Variants in FAM53B observed in about 807,000 individuals in gnomAD.
FAM53B encodes protein FAM53B.
A neutral mutation model predicts 32.7 loss-of-function variants in FAM53B; 12 were observed. The observed-to-expected ratio is 0.37, with a 90% CI of 0.24 to 0.59. The LOEUF (loss-of-function observed/expected upper bound fraction) is 0.59. FAM53B is among the 20% of genes least tolerant of loss of function. The pLI, the probability that FAM53B is intolerant of heterozygous loss-of-function variation, is 0.72. For missense variants in FAM53B, 477 were observed against 577.7 expected (o/e 0.83, Z 1.79); for synonymous variants, 234 against 228.7 (o/e 1.02, Z -0.21).
chr10:124,706,856 C>T lies in FAM53B; in HGVS notation c.-143G>A, dbSNP rs1949962740. 2 of 1,488,536 alleles carry T rather than the reference C, an allele frequency of 1.3e-6. No individual in the cohort carries two copies. Among genetic ancestry groups the T allele is most frequent in the African/African-American group, 1.4e-5 (1 of 71,230 alleles). 92.2% of individuals were successfully genotyped at this position (1,488,536 alleles called of 1,614,324 possible). On this transcript the variant is annotated 5_prime_UTR_variant, in exon 2 of 5. Coordinates refer to ENST00000337318, the MANE Select transcript of FAM53B (RefSeq NM_014661.4). The stretch of plus-strand genomic sequence containing the variant: ...GGCCACTCACCCTTGGGGTGGGGCC[C>T]TTCTGGGAAATGGCCAAATGTGGTC...
intron 1 of FAM53B, among the ~76,000 whole-genome samples, chr10:124,732,303 G>C (rs1950148611): frequency 6.6e-6 from 1 of 152,172 alleles, no homozygotes; most frequent in South Asian, 2.1e-4. Flanking sequence ...TTCTACCCTG[G>C]TTCCCCCAGG....
rs554495274 is a variant in FAM53B, at chr10:124,670,132, CT to C, written c.906+11474del. Among the ~76,000 whole-genome samples the C allele has an allele frequency of 9.9e-5, 15 of 152,278 alleles. No homozygotes were observed. The South Asian group carries it at 2.5e-3, about 25-fold the overall frequency. ...GTGAGCCTCAGGCCACTCGCTGCCA[CT>C]GTCCAGCAACAGAGGGCGGGCGGTG... On this transcript the variant is annotated intron_variant, in intron 4 of 4. Coordinates refer to ENST00000337318, the MANE Select transcript of FAM53B (RefSeq NM_014661.4).
At chr10:124,718,981 G>A (rs1023307873) in intron 1 of FAM53B, among the ~76,000 whole-genome samples, 12 of 151,864 alleles carry the variant, frequency 7.9e-5, no homozygotes, top group African/African-American at 1.7e-4. Context: ...AGGCTGCAGT[G>A]AGCTATGATA....
rs1034984319 is a variant in FAM53B at position 124,733,957 on chromosome 10, G to A, written c.-175+10056C>T. 1.3e-5 allele frequency among the ~76,000 whole-genome samples: 2 copies of A among 152,146 alleles called. No individual in the cohort carries two copies. The highest frequency in any genetic ancestry group is 2.9e-5 in the Non-Finnish European group (2 of 68,018). On this transcript the variant is annotated intron_variant, in intron 1 of 4. Coordinates refer to ENST00000337318, the MANE Select transcript of FAM53B (RefSeq NM_014661.4). This position sits in a 1 kb window ranked among gnomAD's most constrained non-coding sequence, Gnocchi z 4.3. ...CACAGTCCCATGGTGCTGTGACTGG[G>A]GACACCTGCTCTCCTGGTCTCGAAT...
intron 1 of FAM53B, among the ~76,000 whole-genome samples, chr10:124,734,235 G>A (rs192707437): frequency 3.3e-5 from 5 of 152,308 alleles, no homozygotes; most frequent in Middle Eastern, 3.4e-3. Context: ...TCCATAATAC[G>A]AGCTATGAGC....
intron 4 of FAM53B, among the ~76,000 whole-genome samples, chr10:124,643,919 T>C (rs1949493919): frequency 1.3e-5 from 2 of 152,162 alleles, no homozygotes; most frequent in South Asian, 4.1e-4. Context: ...CATCTGTACA[T>C]GGCATCTGCC....
At chr10:124,740,370 G>C (rs191963075) in intron 1 of FAM53B, among the ~76,000 whole-genome samples, 1 of 152,306 alleles carries the variant, frequency 6.6e-6, no homozygotes, top group East Asian at 1.9e-4. Flanking sequence ...ACTGTAAGAA[G>C]AACCCTAGGG....
intron 4 of FAM53B, among the ~76,000 whole-genome samples, chr10:124,635,092 A>T (rs75240992): frequency 1.8e-5 from 1 of 55,698 alleles, no homozygotes; most frequent in East Asian, 5.2e-4. Flanking sequence ...TTTATTTTTT[A>T]TTTTTATTTT....
At chr10:124,634,484 C>T (rs996247507) in intron 4 of FAM53B, among the ~76,000 whole-genome samples, 3 of 152,196 alleles carry the variant, frequency 2.0e-5, no homozygotes, top group Non-Finnish European at 4.4e-5. Flanking sequence ...TACCTTCATG[C>T]TACTCTTGTG....
At chr10:124,686,579 C>A (rs1220911313) in intron 3 of FAM53B, among the ~76,000 whole-genome samples, 1 of 152,226 alleles carries the variant, frequency 6.6e-6, no homozygotes, top group East Asian at 1.9e-4. Flanking sequence ...TCTCCTAGCT[C>A]TGTGATCGTA....
At position 124,623,422 on chromosome 10, in the gene FAM53B, G is replaced by C. The variant is rs778204357; in HGVS notation, c.1089C>G (p.Phe363Leu). The change falls in exon 5 of 5, where the codon TTC (phenylalanine) becomes TTG (leucine). Residue 363 changes from phenylalanine to leucine, a missense_variant. Phe to Leu is a conservative substitution (Grantham distance 22). Around this residue, in one of 2 missense-constraint regions of FAM53B, gnomAD observed 165 missense variants for 157.5 expected, o/e 1.05. Transcript: ENST00000337318. ...CCTCCTGGCAGGCGAGGTGGTCGTC[G>C]AAGGAAGGGGGAAGAGGCTCAGGGA... is the stretch of plus-strand genomic sequence containing the variant. ...TPVPEPLPPS[F>L]DDHLACQEDL... 1.2e-6 allele frequency: 2 copies of C among 1,606,098 alleles called. No homozygotes were observed. Among genetic ancestry groups the C allele is most frequent in the Admixed American group, 1.7e-5 (1 of 58,834 alleles).
intron 4 of FAM53B, among the ~76,000 whole-genome samples, chr10:124,669,860 G>A (rs1337690953): frequency 6.6e-6 from 1 of 151,402 alleles, no homozygotes; most frequent in African/African-American, 2.4e-5. Context: ...CCCCTCACAG[G>A]GTGGGTGAGG....
At chr10:124,695,561 T>C (rs1949863089) in intron 3 of FAM53B, among the ~76,000 whole-genome samples, 1 of 152,180 alleles carries the variant, frequency 6.6e-6, no homozygotes, top group African/African-American at 2.4e-5. Flanking sequence ...CTAGCCACTG[T>C]TCATCACAAC....
chr10:124,722,020 C>T (rs1241615134), intron 1 of FAM53B, among the ~76,000 whole-genome samples: 1 of 152,088 alleles, frequency 6.6e-6, no homozygotes, highest in Admixed American at 6.5e-5. Flanking sequence ...ACAGAGGAGA[C>T]TAGAGGCTGG....
rs79263188 is a variant in FAM53B at position 124,625,177 on chromosome 10, G to A, written c.907-1573C>T. Among the ~76,000 whole-genome samples the A allele has an allele frequency of 4.5e-3, 689 of 152,346 alleles. 9 individuals carry two copies. Among genetic ancestry groups the A allele is most frequent in the African/African-American group, 0.016 (673 of 41,578 alleles). ...AACAAGCTGTTGAACCAGCCTCAGC[G>A]GATGGGAAATAAAAGGCGCTCTCTC... On this transcript the variant is annotated intron_variant, in intron 4 of 4. Transcript: ENST00000337318.
intron 1 of FAM53B, among the ~76,000 whole-genome samples, chr10:124,708,762 C>A (rs373425460): frequency 1.3e-5 from 2 of 152,256 alleles, no homozygotes; most frequent in African/African-American, 4.8e-5. Context: ...CGGCAGCCAG[C>A]CGTCGGCACA....
rs1362248685 is a variant in FAM53B, at chr10:124,645,407, CCT to C, written c.907-21805_907-21804del. 7.2e-5 allele frequency among the ~76,000 whole-genome samples: 11 copies of C among 152,324 alleles called. 1 individual carries two copies. The highest frequency in any genetic ancestry group is 2.1e-4 in the South Asian group (1 of 4,830). ...TGCTGAGAGATGCAAAATCTCAGCC[CCT>C]GAGACAGGCTCTAGGGGCCCAAGAT... On this transcript the variant is annotated intron_variant, in intron 4 of 4. Transcript: ENST00000337318.
chr10:124,720,114 G>C (rs1359286405), intron 1 of FAM53B, among the ~76,000 whole-genome samples: 10 of 150,154 alleles, frequency 6.7e-5, no homozygotes, highest in Non-Finnish European at 1.5e-4. Flanking sequence ...AGTGAGCCGA[G>C]ATCGCGCCAT....
At chr10:124,739,947 T>C (rs1210729948) in intron 1 of FAM53B, among the ~76,000 whole-genome samples, 1 of 151,002 alleles carries the variant, frequency 6.6e-6, no homozygotes, top group South Asian at 2.2e-4. Context: ...AACCCACATT[T>C]AACAAAAAAA....
Sources: allele counts gnomAD v4.1 joint callset (sites outside exome capture counted in the v4.1 genomes callset), GRCh38; gene constraint gnomAD v4.1.1; regional missense constraint gnomAD v4.1.1; non-coding constraint Gnocchi (gnomAD v3.1); transcripts MANE v1.5; gene names NCBI Gene and HGNC (gene_info 2026-07-23, HGNC 2026-07-21).